The following OSBPL3 variants were observed in gnomAD, a reference collection of about 807,000 sequenced individuals.
OSBPL3 encodes the protein oxysterol-binding protein-related protein 3.
A neutral mutation model predicts 120.1 loss-of-function variants in OSBPL3; 65 were observed. That is an observed-to-expected ratio of 0.54 (90% confidence interval 0.44 to 0.67). The LOEUF (loss-of-function observed/expected upper bound fraction) is 0.67, where lower values mean the gene tolerates loss of function less well. Ranked by LOEUF, OSBPL3 falls within the 30% of genes least tolerant of loss-of-function variation. The pLI, the probability that OSBPL3 is intolerant of heterozygous loss-of-function variation, is 0.00. For missense variants in OSBPL3, 1,004 were observed against 1,082.1 expected (o/e 0.93, Z 1.01); for synonymous variants, 416 against 402.6 (o/e 1.03, Z -0.40).
chr7:24,959,685 T>TA lies in OSBPL3; in HGVS notation c.-150+20200dup, dbSNP rs1181111721. 1.3e-5 allele frequency among the ~76,000 whole-genome samples: 2 copies of TA among 152,214 alleles called. No homozygotes were observed. Among genetic ancestry groups the TA allele is most frequent in the Non-Finnish European group, 2.9e-5 (2 of 68,020 alleles). ...ACTTTTCTGCAGGCATATTATACTT[T>TA]AACAAAAATGTTCCTAAAATAAATC... On this transcript the variant is annotated intron_variant, in intron 1 of 22. Coordinates refer to ENST00000313367, the MANE Select transcript of OSBPL3 (RefSeq NM_015550.4). This position sits in a 1 kb window ranked among gnomAD's most constrained non-coding sequence, Gnocchi z 4.3.
chr7:24,929,081 C>G (rs1305566298), intron 1 of OSBPL3, among the ~76,000 whole-genome samples: 1 of 152,204 alleles, frequency 6.6e-6, no homozygotes, highest in African/African-American at 2.4e-5. Flanking sequence ...AAAGTAGCTG[C>G]ACCTCTTTAT....
chr7:24,924,917 C>CTA (rs1810855820), intron 1 of OSBPL3, among the ~76,000 whole-genome samples: 1 of 152,178 alleles, frequency 6.6e-6, no homozygotes, highest in Non-Finnish European at 1.5e-5. Context: ...TAAGAGTCAA[C>CTA]TATATATAGC....
At chr7:24,904,918 G>GGTGTGTGTGTGTGTGTGTGTGTGTGT (rs67222925) in intron 1 of OSBPL3, among the ~76,000 whole-genome samples, 3 of 132,860 alleles carry the variant, frequency 2.3e-5, no homozygotes, top group African/African-American at 5.7e-5. Flanking sequence ...ATAATATACA[G>GGTGTGTGTGTGTGTGTGTGTGTGTGT]GTGTGTGTGT....
At chr7:24,836,677 A>T (rs1797036884) in intron 14 of OSBPL3, among the ~76,000 whole-genome samples, 1 of 152,024 alleles carries the variant, frequency 6.6e-6, no homozygotes, top group African/African-American at 2.4e-5. Context: ...GTTGATATAT[A>T]TTTTATTAAA....
intron 19 of OSBPL3, 135 bp from the exon 20 acceptor site, chr7:24,810,086 G>C (rs868067845): frequency 2.2e-6 from 2 of 919,206 alleles, no homozygotes; most frequent in South Asian, 1.7e-5. Flanking sequence ...CTAGTTCTGG[G>C]TTCCGTTTTT....
At chr7:24,860,434 T>G (rs776801870) in intron 10 of OSBPL3, among the ~76,000 whole-genome samples, 14 of 152,126 alleles carry the variant, frequency 9.2e-5, no homozygotes, top group Non-Finnish European at 2.1e-4. Flanking sequence ...CAAATACTGT[T>G]CTTGTGGTAG....
At position 24,894,533 on chromosome 7, in the gene OSBPL3, G is replaced by A. The variant is rs1212804651; in HGVS notation, c.-149-1912C>T. 1.3e-5 allele frequency among the ~76,000 whole-genome samples: 2 copies of A among 151,984 alleles called. No individual in the cohort carries two copies. The highest frequency in any genetic ancestry group is 2.4e-5 in the African/African-American group (1 of 41,374). ...AAAAAAAAAATCAAAAACCTGGTGG[G>A]AGCCCCAAATGATGAAATGTGTGTC... On this transcript the variant is annotated intron_variant, in intron 1 of 22. Coordinates refer to ENST00000313367, the MANE Select transcript of OSBPL3 (RefSeq NM_015550.4). The surrounding 1 kb of genome is among the most constrained non-coding windows in gnomAD (Gnocchi z 4.1).
At chr7:24,811,069 G>C (rs149531175) in intron 19 of OSBPL3, among the ~76,000 whole-genome samples, 1 of 152,276 alleles carries the variant, frequency 6.6e-6, no homozygotes, top group African/African-American at 2.4e-5. Context: ...AGATCATATG[G>C]TAATTCCATT....
At chr7:24,924,320 A>AT (rs746507689) in intron 1 of OSBPL3, among the ~76,000 whole-genome samples, 7 of 152,142 alleles carry the variant, frequency 4.6e-5, no homozygotes, top group African/African-American at 7.2e-5. Context: ...ACGCTAAGAG[A>AT]TTTTTTCTTC....
chr7:24,951,894 A>C (rs1041391349), intron 1 of OSBPL3, among the ~76,000 whole-genome samples: 3 of 152,252 alleles, frequency 2.0e-5, no homozygotes, highest in Non-Finnish European at 2.9e-5. Flanking sequence ...CAAATGAATA[A>C]ACACTTCCAG....
intron 1 of OSBPL3, among the ~76,000 whole-genome samples, chr7:24,910,332 T>C (rs938284512): frequency 1.3e-5 from 2 of 152,174 alleles, no homozygotes; most frequent in Admixed American, 6.5e-5. Flanking sequence ...ATAGGTCCTA[T>C]GACAACTCCT....
At chr7:24,973,516 G>C (rs1817254605) in intron 1 of OSBPL3, among the ~76,000 whole-genome samples, 1 of 152,130 alleles carries the variant, frequency 6.6e-6, no homozygotes, top group African/African-American at 2.4e-5. Context: ...AAACAATGTG[G>C]CTAAGAACAA....
At position 24,854,029 on chromosome 7, in the gene OSBPL3, G is replaced by T. The variant is rs1481389793; in HGVS notation, c.1028-1395C>A. Among the ~76,000 whole-genome samples, 1 of 152,042 alleles carries T rather than the reference G, an allele frequency of 6.6e-6. No individual in the cohort carries two copies. The highest frequency in any genetic ancestry group is 1.5e-5 in the Non-Finnish European group (1 of 68,010). ...GGGCTTAGCCACTATGGCCTCCAAT[G>T]CCTGAACTGAAGTTTTAAAAAACAT... On this transcript the variant is annotated intron_variant, in intron 10 of 22. Coordinates refer to ENST00000313367, the MANE Select transcript of OSBPL3 (RefSeq NM_015550.4). The surrounding 1 kb of genome is among the most constrained non-coding windows in gnomAD (Gnocchi z 4.1).
In OSBPL3 at chr7:24,817,561, G is replaced by A. The variant is rs1794624404; in HGVS notation, c.1949-873C>T. ...CAATGGGCTCTCCAAGCCTGGCTAAGAGTCTGGTTTGTGTGCACTGAGTGG... is the reference window on the plus strand; with the variant it reads ...CAATGGGCTCTCCAAGCCTGGCTAAAAGTCTGGTTTGTGTGCACTGAGTGG... On this transcript the variant is annotated intron_variant, in intron 17 of 22. Coordinates refer to ENST00000313367, the MANE Select transcript of OSBPL3 (RefSeq NM_015550.4). The surrounding 1 kb of genome is among the most constrained non-coding windows in gnomAD (Gnocchi z 4.0). 6.6e-6 allele frequency among the ~76,000 whole-genome samples: 1 copy of A among 152,144 alleles called. No homozygotes were observed. Among genetic ancestry groups the A allele is most frequent in the Non-Finnish European group, 1.5e-5 (1 of 68,026 alleles).
In OSBPL3 at chr7:24,912,544, C is replaced by T. The variant is rs756665279; in HGVS notation, c.-149-19923G>A. Among the ~76,000 whole-genome samples, 2 of 152,152 alleles carry T rather than the reference C, an allele frequency of 1.3e-5. No individual in the cohort carries two copies. The highest frequency in any genetic ancestry group is 2.9e-5 in the Non-Finnish European group (2 of 68,024). On this transcript the variant is annotated intron_variant, in intron 1 of 22. Coordinates refer to ENST00000313367, the MANE Select transcript of OSBPL3 (RefSeq NM_015550.4). This position sits in a 1 kb window ranked among gnomAD's most constrained non-coding sequence, Gnocchi z 4.5. ...TGAGTACTATGCAAAAGGCAACTCT[C>T]CCATCCTCACACCCAAAGACAGAAC...
chr7:24,974,001 C>T (rs767440485), intron 1 of OSBPL3, among the ~76,000 whole-genome samples: 2 of 152,104 alleles, frequency 1.3e-5, no homozygotes, highest in African/African-American at 2.4e-5. Flanking sequence ...CACAGTATTA[C>T]AATATATTCA....
At chr7:24,903,043 G>C (rs560659553) in intron 1 of OSBPL3, among the ~76,000 whole-genome samples, 1 of 152,328 alleles carries the variant, frequency 6.6e-6, no homozygotes, top group Non-Finnish European at 1.5e-5. Context: ...TTTTTCTTAA[G>C]TTAGACAGTA....
At chr7:24,861,172 G>A (rs1482232523) in intron 10 of OSBPL3, among the ~76,000 whole-genome samples, 1 of 152,108 alleles carries the variant, frequency 6.6e-6, no homozygotes, top group Non-Finnish European at 1.5e-5. Context: ...TTTCCTAATG[G>A]CTAATGATGT....
At chr7:24,826,146 G>A (rs142307347) in intron 16 of OSBPL3, among the ~76,000 whole-genome samples, 1 of 152,204 alleles carries the variant, frequency 6.6e-6, no homozygotes, top group Non-Finnish European at 1.5e-5. Context: ...GGAGGACGCA[G>A]CAAGCAGGGA....
Sources: gnomAD v4.1 joint callset for allele counts (sites outside exome capture counted in the v4.1 genomes callset) on GRCh38, gnomAD v4.1.1 for gene constraint, Gnocchi (gnomAD v3.1) non-coding constraint, MANE v1.5 for transcripts, NCBI Gene and HGNC (gene_info 2026-07-23, HGNC 2026-07-21) for gene names.